The following LRRC36 variants were observed in gnomAD, a reference collection of about 807,000 sequenced individuals.
LRRC36 encodes the protein leucine-rich repeat-containing protein 36.
A neutral mutation model predicts 81.1 loss-of-function variants in LRRC36; 62 were observed. The ratio of observed to expected loss-of-function variants is 0.76; its 90% CI spans 0.62 to 0.94. The LOEUF (loss-of-function observed/expected upper bound fraction) is 0.94, where lower values mean the gene tolerates loss of function less well. Ranked by LOEUF, LRRC36 falls within the 40% of genes least tolerant of loss-of-function variation. The pLI, the probability that LRRC36 is intolerant of heterozygous loss-of-function variation, is 0.00. For missense variants in LRRC36, 761 were observed against 881.7 expected, an observed-to-expected ratio of 0.86 and a Z score of 1.73; for synonymous variants, 334 against 348.6, an observed-to-expected ratio of 0.96 and a Z score of 0.47.
In LRRC36 at chr16:67,365,232, C is replaced by A. The variant is rs570094804; in HGVS notation, c.703-72C>A. The stretch of plus-strand genomic sequence containing the variant: ...CCCATTAATAGGAAGGTATTCTGAA[C>A]CCCTAGTCTAATAAGCTCACATTTG... On this transcript the variant is annotated intron_variant, in intron 6 of 13. Transcript: ENST00000329956. 4 of 909,314 alleles carry A rather than the reference C, an allele frequency of 4.4e-6. No homozygotes were observed. The Admixed American group carries it at 7.9e-5, about 18-fold the overall frequency. 56.3% of individuals were successfully genotyped at this position (909,314 alleles called of 1,614,324 possible).
intron 1 of LRRC36, among the ~76,000 whole-genome samples, chr16:67,336,026 C>T (rs1024765023): frequency 9.2e-5 from 14 of 152,172 alleles, no homozygotes; most frequent in African/African-American, 3.4e-4. Context: ...GCCACCGCAC[C>T]CGGCCCAACC....
chr16:67,385,123 G>A lies in LRRC36; in HGVS notation c.*34G>A, dbSNP rs774586038. On this transcript the variant is annotated 3_prime_UTR_variant, in exon 14 of 14. Coordinates refer to ENST00000329956, the MANE Select transcript of LRRC36 (RefSeq NM_018296.6). The stretch of plus-strand genomic sequence containing the variant: ...TGGAACTCACACCACAGCTTCCCTG[G>A]TCCACAGAGGCTCTCACCGCCATTG... 6 of 1,545,204 alleles carry A rather than the reference G, an allele frequency of 3.9e-6. No homozygotes were observed. The highest frequency in any genetic ancestry group is 5.4e-6 in the Non-Finnish European group (6 of 1,120,972).
intron 2 of LRRC36, among the ~76,000 whole-genome samples, chr16:67,344,099 G>A (rs976857754): frequency 6.6e-6 from 1 of 152,124 alleles, no homozygotes; most frequent in Non-Finnish European, 1.5e-5. Flanking sequence ...TTAGAGGCAT[G>A]AGCCACCATG....
chr16:67,354,346 C>G (rs1046333723), intron 5 of LRRC36, among the ~76,000 whole-genome samples: 15 of 152,110 alleles, frequency 9.9e-5, no homozygotes, highest in Non-Finnish European at 1.9e-4. Flanking sequence ...GGCGTCATCT[C>G]GGCTTATTGC....
chr16:67,369,706 T>A (rs991114237), intron 8 of LRRC36, among the ~76,000 whole-genome samples: 1 of 152,152 alleles, frequency 6.6e-6, no homozygotes, highest in African/African-American at 2.4e-5. Context: ...AGGAGCAAAG[T>A]CACGTCTTAC....
At chr16:67,353,107 T>C (rs2038734060) in intron 5 of LRRC36, among the ~76,000 whole-genome samples, 1 of 152,170 alleles carries the variant, frequency 6.6e-6, no homozygotes, top group African/African-American at 2.4e-5. Flanking sequence ...GACCAACTTG[T>C]AATATACACT....
intron 11 of LRRC36, among the ~76,000 whole-genome samples, chr16:67,377,928 C>T (rs1209277595): frequency 2.0e-5 from 3 of 152,114 alleles, no homozygotes; most frequent in Non-Finnish European, 2.9e-5. Context: ...CCACTGCACC[C>T]GGCCTCAGCC....
chr16:67,329,898 G>A (rs1331821741), intron 1 of LRRC36, among the ~76,000 whole-genome samples: 1 of 152,048 alleles, frequency 6.6e-6, no homozygotes, highest in Non-Finnish European at 1.5e-5. Context: ...AGCTTGGGTG[G>A]CAGAGCAAGT....
intron 8 of LRRC36, among the ~76,000 whole-genome samples, chr16:67,368,555 G>A (rs780750527): frequency 1.3e-5 from 2 of 152,144 alleles, no homozygotes; most frequent in African/African-American, 4.8e-5. Context: ...AGGCCAGTGC[G>A]GCCTCAGCAA....
intron 5 of LRRC36, chr16:67,362,050 C>T (rs2039171793): frequency 6.4e-6 from 2 of 314,810 alleles, no homozygotes; most frequent in Admixed American, 4.0e-5. Flanking sequence ...GGGCAACATA[C>T]GGATACCCTA....
intron 5 of LRRC36, among the ~76,000 whole-genome samples, chr16:67,352,548 G>A (rs1038528841): frequency 1.3e-5 from 2 of 151,794 alleles, no homozygotes; most frequent in African/African-American, 2.4e-5. Context: ...CGAAATAGGC[G>A]TACCTAGGCT....
intron 6 of LRRC36, among the ~76,000 whole-genome samples, chr16:67,364,614 T>A (rs2039302436): frequency 1.3e-5 from 2 of 152,172 alleles, no homozygotes; most frequent in Admixed American, 1.3e-4. Context: ...TCAGTTACCA[T>A]TTTTTAAAAC....
chr16:67,330,368 A>G (rs1348455448), intron 1 of LRRC36, among the ~76,000 whole-genome samples: 1 of 152,170 alleles, frequency 6.6e-6, no homozygotes, highest in South Asian at 2.1e-4. Flanking sequence ...TAATACTTCT[A>G]TAAAGAGAAA....
chr16:67,337,540 A>C (rs887870125), intron 1 of LRRC36, among the ~76,000 whole-genome samples: 2 of 150,204 alleles, frequency 1.3e-5, no homozygotes, highest in Admixed American at 1.3e-4. Flanking sequence ...TTGTATTTTT[A>C]GTAGAGACAG....
intron 1 of LRRC36, among the ~76,000 whole-genome samples, chr16:67,330,363 C>T (rs992441735): frequency 6.6e-6 from 1 of 152,092 alleles, no homozygotes; most frequent in African/African-American, 2.4e-5. Context: ...AACTGTAATA[C>T]TTCTATAAAG....
chr16:67,347,387 A>T, intron 3 of LRRC36, 108 bp from the exon 4 acceptor site: 2 of 1,546,488 alleles, frequency 1.3e-6, no homozygotes, highest in East Asian at 4.8e-5. Flanking sequence ...ACACACCAAG[A>T]TGAGACTGGT....
rs976645481 is a variant in LRRC36 at position 67,331,944 on chromosome 16, C to T, written c.70+5012C>T. ...CGGAGGTTGCAGTAAGCCAAGATCA[C>T]ACCATTGCACTCCAGCCTGGGCAAA... On this transcript the variant is annotated intron_variant, in intron 1 of 13. Transcript: ENST00000329956. Among the ~76,000 whole-genome samples the T allele has an allele frequency of 2.0e-5, 3 of 151,228 alleles. No individual in the cohort carries two copies. The South Asian group carries it at 6.3e-4, about 32-fold the overall frequency.
At chr16:67,357,059 G>A (rs1365881874) in intron 5 of LRRC36, among the ~76,000 whole-genome samples, 1 of 152,202 alleles carries the variant, frequency 6.6e-6, no homozygotes, top group Non-Finnish European at 1.5e-5. Flanking sequence ...GAGGTAATGA[G>A]GACCTGTCCT....
At chr16:67,347,172 T>C (rs1190436367) in intron 3 of LRRC36, among the ~76,000 whole-genome samples, 1 of 152,218 alleles carries the variant, frequency 6.6e-6, no homozygotes, top group Admixed American at 6.5e-5. Context: ...AAAGTAATTG[T>C]AGGGAAACTA....
Sources: allele counts gnomAD v4.1 joint callset (sites outside exome capture counted in the v4.1 genomes callset), GRCh38; gene constraint gnomAD v4.1.1; transcripts MANE v1.5; gene names NCBI Gene and HGNC (gene_info 2026-07-23, HGNC 2026-07-21).